The following WWOX variants were observed in gnomAD, a reference collection of about 807,000 sequenced individuals.
The protein encoded by WWOX is WW domain containing oxidoreductase.
Under a neutral mutation model 46.2 loss-of-function variants are expected in WWOX, and 69 were observed. The ratio of observed to expected loss-of-function variants is 1.49; its 90% CI spans 1.23 to 1.82. The LOEUF (loss-of-function observed/expected upper bound fraction) is 1.82, where lower values mean the gene tolerates loss of function less well. Ranked by LOEUF, WWOX falls within the 40% of genes most tolerant of loss-of-function variation. The pLI is 0.00. For synonymous variants in WWOX, 359 were observed against 202.6 expected (o/e 1.77, Z -6.56); for missense variants, 919 against 542.6 (o/e 1.69, Z -6.89).
intron 5 of WWOX, among the ~76,000 whole-genome samples, chr16:78,306,939 G>T (rs1194306455): frequency 1.3e-5 from 2 of 152,160 alleles, no homozygotes; most frequent in East Asian, 3.8e-4. Context: ...CTTATGACAG[G>T]TTTCCAGTAT....
At chr16:78,151,694 G>A (rs921100567) in intron 4 of WWOX, among the ~76,000 whole-genome samples, 3 of 152,232 alleles carry the variant, frequency 2.0e-5, no homozygotes, top group African/African-American at 7.2e-5. Context: ...ATAGCATTTG[G>A]TTTGTTATTT....
At chr16:78,818,146 T>G (rs2051391245) in intron 8 of WWOX, among the ~76,000 whole-genome samples, 1 of 152,200 alleles carries the variant, frequency 6.6e-6, no homozygotes, top group African/African-American at 2.4e-5. Flanking sequence ...TTGGGTGGGC[T>G]GCCCCAGGAA....
chr16:78,637,169 C>G (rs2046592301), intron 8 of WWOX, among the ~76,000 whole-genome samples: 1 of 152,120 alleles, frequency 6.6e-6, no homozygotes, highest in Admixed American at 6.5e-5. Flanking sequence ...TGTCTGTAAT[C>G]CCGGCACTTT....
intron 8 of WWOX, among the ~76,000 whole-genome samples, chr16:78,968,976 A>G (rs1475745866): frequency 6.6e-6 from 1 of 152,094 alleles, no homozygotes; most frequent in African/African-American, 2.4e-5. Flanking sequence ...CAAATGTATA[A>G]CAAAATAGAA....
chr16:78,885,050 C>T (rs2044424813), intron 8 of WWOX, among the ~76,000 whole-genome samples: 1 of 152,120 alleles, frequency 6.6e-6, no homozygotes, highest in Admixed American at 6.6e-5. Context: ...CGTTCTTAAC[C>T]AACATGGCAC....
At chr16:78,108,548 C>G in intron 2 of WWOX, 61 bp downstream of exon 2, 2 of 1,583,974 alleles carry the variant, frequency 1.3e-6, no homozygotes, top group Non-Finnish European at 1.7e-6. Context: ...GGAAATGTCA[C>G]TGGCAGAGAG....
At chr16:78,137,735 A>G (rs894368547) in intron 4 of WWOX, among the ~76,000 whole-genome samples, 2 of 152,164 alleles carry the variant, frequency 1.3e-5, no homozygotes, top group Non-Finnish European at 2.9e-5. Context: ...TGGGAGTTTG[A>G]TAAAAATTGG....
chr16:78,510,635 T>C (rs1457374986), intron 8 of WWOX, among the ~76,000 whole-genome samples: 1 of 152,228 alleles, frequency 6.6e-6, no homozygotes, highest in East Asian at 1.9e-4. Flanking sequence ...CATGAAAGCA[T>C]TGAGTGAGAA....
chr16:78,509,674 G>A (rs945293986), intron 8 of WWOX, among the ~76,000 whole-genome samples: 4 of 152,108 alleles, frequency 2.6e-5, no homozygotes, highest in African/African-American at 9.7e-5. Context: ...ACGGAAACAG[G>A]CAAAAACTAC....
chr16:78,884,179 G>T (rs951998233), intron 8 of WWOX, among the ~76,000 whole-genome samples: 27 of 150,248 alleles, frequency 1.8e-4, no homozygotes, highest in African/African-American at 6.6e-4. Context: ...GGCTGAAGCA[G>T]GAGGATCACC....
At chr16:79,145,760 T>C (rs1273134671) in intron 8 of WWOX, among the ~76,000 whole-genome samples, 2 of 152,176 alleles carry the variant, frequency 1.3e-5, no homozygotes, top group Non-Finnish European at 2.9e-5. Flanking sequence ...GTTGGCTAGA[T>C]GTAAGGTAAA....
chr16:78,183,584 T>C (rs946995475), intron 5 of WWOX, among the ~76,000 whole-genome samples: 1 of 152,200 alleles, frequency 6.6e-6, no homozygotes, highest in Non-Finnish European at 1.5e-5. Flanking sequence ...CCCCGAACCG[T>C]AGGATGCTTG....
intron 8 of WWOX, among the ~76,000 whole-genome samples, chr16:79,190,279 C>G (rs1427273845): frequency 6.6e-6 from 1 of 152,162 alleles, no homozygotes; most frequent in Non-Finnish European, 1.5e-5. Context: ...CCTGCCTCAG[C>G]CTCTCACAGT....
At chr16:78,726,521 A>G (rs1597499704) in intron 8 of WWOX, among the ~76,000 whole-genome samples, 1 of 151,846 alleles carries the variant, frequency 6.6e-6, no homozygotes, top group South Asian at 2.1e-4. Context: ...GGCATGAACC[A>G]CTGCACCCAG....
At chr16:78,584,162 C>T (rs1266335469) in intron 8 of WWOX, among the ~76,000 whole-genome samples, 1 of 152,186 alleles carries the variant, frequency 6.6e-6, no homozygotes, top group Non-Finnish European at 1.5e-5. Context: ...ATCATTTCTC[C>T]TTCTCTAAGA....
chr16:79,207,536 C>T (rs988206824), intron 8 of WWOX, among the ~76,000 whole-genome samples: 2 of 152,180 alleles, frequency 1.3e-5, no homozygotes, highest in African/African-American at 4.8e-5. Context: ...GTGCAATGTC[C>T]CTGTAAGAAA....
intron 8 of WWOX, among the ~76,000 whole-genome samples, chr16:79,211,042 T>C: frequency 6.6e-6 from 1 of 151,846 alleles, no homozygotes; most frequent in African/African-American, 2.4e-5. Flanking sequence ...GGAGTGTGTG[T>C]GTGTGTGTGT....
intron 8 of WWOX, chr16:78,898,875 T>C (rs1281333927): frequency 6.6e-6 from 1 of 152,166 alleles, no homozygotes; most frequent in African/African-American, 2.4e-5. Context: ...TTTTATGCTA[T>C]TGTAAATGGC....
rs79373854 is a variant in WWOX at position 79,139,221 on chromosome 16, A to G, written c.1057-72387A>G. 4.3e-3 allele frequency among the ~76,000 whole-genome samples: 654 copies of G among 152,288 alleles called. 7 individuals are homozygous for G. Among genetic ancestry groups the G allele is most frequent in the African/African-American group, 0.015 (618 of 41,560 alleles). On this transcript the variant is annotated intron_variant, in intron 8 of 8. Coordinates refer to ENST00000566780, the MANE Select transcript of WWOX (RefSeq NM_016373.4). ...TGCCTCCTAAGAGGGCAAATAAACC[A>G]TTTTACACAATGCAGAGAGAAGGAC... is the stretch of plus-strand genomic sequence containing the variant.
Sources: gnomAD v4.1 joint callset for allele counts (sites outside exome capture counted in the v4.1 genomes callset) on GRCh38, gnomAD v4.1.1 for gene constraint, MANE v1.5 for transcripts, NCBI Gene and HGNC (gene_info 2026-07-23, HGNC 2026-07-21) for gene names.